Variants in PARD3 observed in about 807,000 individuals in gnomAD.
PARD3 encodes the protein partitioning defective 3 homolog.
Under a neutral mutation model 155.4 loss-of-function variants are expected in PARD3, and 75 were observed. That is an observed-to-expected ratio of 0.48 (90% CI 0.40 to 0.58). The LOEUF (loss-of-function observed/expected upper bound fraction) is 0.58, where lower values mean the gene tolerates loss of function less well. Among genes scored for constraint, PARD3 ranks in the 20% least tolerant of loss-of-function variants. PARD3 has a pLI of 0.00. For missense variants in PARD3, 1,642 were observed against 1,721.7 expected, an observed-to-expected ratio of 0.95 and a Z score of 0.82; for synonymous variants, 576 against 610.5, an observed-to-expected ratio of 0.94 and a Z score of 0.83.
intron 2 of PARD3, among the ~76,000 whole-genome samples, chr10:34,672,470 C>A (rs2133255862): frequency 6.6e-6 from 1 of 152,304 alleles, no homozygotes. Context: ...TAACAGTTCT[C>A]AATATGTACC....
chr10:34,538,311 G>A lies in PARD3; in HGVS notation c.223-21152C>T, dbSNP rs536687851. ...ATCAAGAAATCAGAGCACCTAGCAC[G>A]TATGACCACTCTGGGAGACACTGGC... is the stretch of plus-strand genomic sequence containing the variant. On this transcript the variant is annotated intron_variant, in intron 2 of 24. Transcript: ENST00000374788. Among the ~76,000 whole-genome samples, 13 of 152,258 alleles carry A rather than the reference G, an allele frequency of 8.5e-5. No individual in the cohort carries two copies. In the South Asian group the frequency reaches 1.9e-3, roughly 22 times the overall value.
chr10:34,355,958 C>CAAAAAAAAAAAAAAAAAAAA (rs1491326864), intron 14 of PARD3, among the ~76,000 whole-genome samples: 2 of 116,196 alleles, frequency 1.7e-5, no homozygotes, highest in Non-Finnish European at 3.2e-5. Flanking sequence ...AAAACAAAAC[C>CAAAAAAAAAAAAAAAAAAAA]AAACAAAAAA....
intron 22 of PARD3, among the ~76,000 whole-genome samples, chr10:34,215,078 T>A (rs1292577682): frequency 6.6e-6 from 1 of 152,168 alleles, no homozygotes; most frequent in East Asian, 1.9e-4. Flanking sequence ...TAAAATTGCA[T>A]TAAAAGATAA....
chr10:34,209,998 T>C (rs1951661774), intron 22 of PARD3, among the ~76,000 whole-genome samples: 1 of 152,278 alleles, frequency 6.6e-6, no homozygotes, highest in African/African-American at 2.4e-5. Flanking sequence ...TCTAATATAT[T>C]TTATATGCTG....
At chr10:34,351,980 T>C (rs372252820) in intron 14 of PARD3, among the ~76,000 whole-genome samples, 15 of 152,308 alleles carry the variant, frequency 9.8e-5, no homozygotes, top group South Asian at 6.2e-4. Context: ...CTAAGAGGGT[T>C]AAGCCTAGAG....
intron 15 of PARD3, chr10:34,343,957 G>A (rs1245436336): frequency 1.0e-6 from 1 of 981,896 alleles, no homozygotes; most frequent in Non-Finnish European, 1.2e-6. Context: ...CTGTGCCAGT[G>A]ACATGACTCA....
intron 10 of PARD3, among the ~76,000 whole-genome samples, chr10:34,376,335 G>A (rs1433944338): frequency 1.3e-5 from 2 of 152,154 alleles, no homozygotes; most frequent in Non-Finnish European, 1.5e-5. Flanking sequence ...AAAGTAAAGC[G>A]ATTATGTGAT....
intron 1 of PARD3, among the ~76,000 whole-genome samples, chr10:34,765,286 G>A (rs972364847): frequency 1.3e-5 from 2 of 152,166 alleles, no homozygotes; most frequent in Non-Finnish European, 2.9e-5. Context: ...TACTATTTGT[G>A]TCCCAGGTAA....
intron 2 of PARD3, among the ~76,000 whole-genome samples, chr10:34,551,097 G>A (rs143681712): frequency 1.8e-4 from 28 of 152,240 alleles, no homozygotes; most frequent in Non-Finnish European, 2.9e-4. Context: ...CAAAGCAACC[G>A]AAATGATCAA....
rs149242320 is a variant in PARD3, at chr10:34,395,482, G to A, written c.890+3848C>T. 5.6e-4 allele frequency among the ~76,000 whole-genome samples: 86 copies of A among 152,236 alleles called. 1 individual carries two copies. In the East Asian group the frequency reaches 0.014, roughly 26 times the overall value. ...TCACCAAAGTAATGAAACCGTGAACGAATATAGATGAGGATCAGTTAACTT... is the reference window on the plus strand; with the variant it reads ...TCACCAAAGTAATGAAACCGTGAACAAATATAGATGAGGATCAGTTAACTT... On this transcript the variant is annotated intron_variant, in intron 7 of 24. Transcript: ENST00000374788.
intron 2 of PARD3, among the ~76,000 whole-genome samples, chr10:34,599,182 A>G (rs1306374786): frequency 6.6e-6 from 1 of 152,176 alleles, no homozygotes; most frequent in Admixed American, 6.5e-5. Context: ...AGATGACTCC[A>G]TCATAACTCT....
chr10:34,480,499 A>G (rs185576026), intron 3 of PARD3, among the ~76,000 whole-genome samples: 8 of 152,272 alleles, frequency 5.3e-5, no homozygotes, highest in Admixed American at 2.6e-4. Context: ...TCAGCCTCCT[A>G]AAGCCTTGAG....
intron 3 of PARD3, among the ~76,000 whole-genome samples, chr10:34,513,724 G>C (rs2081540108): frequency 6.6e-6 from 1 of 152,206 alleles, no homozygotes; most frequent in Admixed American, 6.5e-5. Context: ...TAAGTTAACT[G>C]CTATTTTGAC....
chr10:34,793,360 G>A (rs1159781654), intron 1 of PARD3, among the ~76,000 whole-genome samples: 5 of 152,256 alleles, frequency 3.3e-5, no homozygotes, highest in Middle Eastern at 6.8e-3. Context: ...GGAAGGGGTC[G>A]TGGCGGTAAA....
chr10:34,147,904 T>C (rs1948595756), intron 22 of PARD3, among the ~76,000 whole-genome samples: 1 of 152,062 alleles, frequency 6.6e-6, no homozygotes, highest in South Asian at 2.1e-4. Context: ...CAGTGCCAGC[T>C]TCTACCTGAG....
intron 3 of PARD3, among the ~76,000 whole-genome samples, chr10:34,475,306 C>T (rs77329457): frequency 0.011 from 1,655 of 152,238 alleles, 29 homozygotes; most frequent in African/African-American, 0.037. Flanking sequence ...TAACATTTTG[C>T]TTAATAGAAG....
At chr10:34,344,283 T>TTTG (rs1837161442) in intron 15 of PARD3, 1 of 514,566 alleles carries the variant, frequency 1.9e-6, no homozygotes, top group African/African-American at 5.9e-5. Context: ...TGTTTTTGTT[T>TTTG]TTTTTTTTTT....
At chr10:34,169,393 C>G (rs1949684191) in intron 22 of PARD3, among the ~76,000 whole-genome samples, 2 of 152,254 alleles carry the variant, frequency 1.3e-5, no homozygotes, top group Admixed American at 6.5e-5. Context: ...ACAAAAGAAG[C>G]TGGATATTCT....
At chr10:34,662,240 A>C (rs2093342894) in intron 2 of PARD3, among the ~76,000 whole-genome samples, 1 of 152,240 alleles carries the variant, frequency 6.6e-6, no homozygotes, top group Non-Finnish European at 1.5e-5. Flanking sequence ...CTTTTACCCA[A>C]AAGACAGGTA....
Sources: allele counts gnomAD v4.1 joint callset (sites outside exome capture counted in the v4.1 genomes callset), GRCh38; gene constraint gnomAD v4.1.1; transcripts MANE v1.5; gene names NCBI Gene and HGNC (gene_info 2026-07-23, HGNC 2026-07-21).